The following EVC variants were observed in gnomAD, a reference collection of about 807,000 sequenced individuals.
The protein encoded by EVC is evC complex member EVC.
EVC carries 116 observed loss-of-function variants against 118.9 expected under a neutral mutation model. That is an observed-to-expected ratio of 0.98 (90% CI 0.84 to 1.14). EVC has a LOEUF of 1.14. Among genes scored for constraint, EVC ranks in the 50% most tolerant of loss-of-function variants. EVC has a pLI of 0.00. For missense variants in EVC, 1,401 were observed against 1,246.4 expected (o/e 1.12, Z -1.87); for synonymous variants, 619 against 534.7 (o/e 1.16, Z -2.18).
intron 11 of EVC, among the ~76,000 whole-genome samples, chr4:5,765,695 A>T (rs1157088118): frequency 1.6e-5 from 2 of 125,552 alleles, no homozygotes; most frequent in Admixed American, 1.6e-4. Flanking sequence ...GTTGGTTTAA[A>T]GTCTGTTTTA....
At chr4:5,825,290 C>T in the EVC span, 1 of 985,218 alleles carries the variant, frequency 1.0e-6, no homozygotes, top group Non-Finnish European at 1.2e-6. This position sits in a 1 kb window ranked among gnomAD's most constrained non-coding sequence, Gnocchi z 4.4. Context: ...CATGTTGCCC[C>T]CCTAACATGG....
Position 5,712,648 on chromosome 4 carries a change from A to G in EVC, c.174+1094A>G, listed in dbSNP as rs114759933. ...GATCTTGTGCGGTTTCCATGTAGGC[A>G]CAGGCTCTTTCAGAATATAGGGGAA... On this transcript the variant is annotated intron_variant, in intron 1 of 20. Coordinates refer to ENST00000264956, the MANE Select transcript of EVC (RefSeq NM_153717.3). Among the ~76,000 whole-genome samples the G allele has an allele frequency of 6.0e-3, 909 of 152,318 alleles. 16 individuals carry two copies. Among genetic ancestry groups the G allele is most frequent in the African/African-American group, 0.019 (795 of 41,568 alleles).
At chr4:5,759,645 G>C (rs761180268) in intron 11 of EVC, among the ~76,000 whole-genome samples, 4 of 152,226 alleles carry the variant, frequency 2.6e-5, no homozygotes, top group Non-Finnish European at 5.9e-5. Flanking sequence ...TGAGGTACAG[G>C]TTAGATCACT....
chr4:5,757,270 G>A (rs1731311150), intron 11 of EVC, among the ~76,000 whole-genome samples: 2 of 152,194 alleles, frequency 1.3e-5, no homozygotes, highest in Non-Finnish European at 2.9e-5. Flanking sequence ...GGGTGAAGGT[G>A]ACGTCAAGGA....
chr4:5,820,572 C>T, the EVC span, among the ~76,000 whole-genome samples: 43 of 152,256 alleles, frequency 2.8e-4, no homozygotes, highest in East Asian at 3.5e-3. Context: ...GCCCATCAGC[C>T]GTCTTCCCTC....
chr4:5,749,451 C>T lies in EVC; in HGVS notation c.1098+1145C>T, dbSNP rs962280829. On this transcript the variant is annotated intron_variant, in intron 8 of 20. Transcript: ENST00000264956. The surrounding 1 kb of genome is among the most constrained non-coding windows in gnomAD (Gnocchi z 4.4). ...GGTTGGACACCCGTGGGAGAGAAATCTGCGAATCCAGCTTTGACTCTGGGC... is the reference window on the plus strand; with the variant it reads ...GGTTGGACACCCGTGGGAGAGAAATTTGCGAATCCAGCTTTGACTCTGGGC... 1.3e-5 allele frequency among the ~76,000 whole-genome samples: 2 copies of T among 151,762 alleles called. No homozygotes were observed. The highest frequency in any genetic ancestry group is 2.9e-5 in the Non-Finnish European group (2 of 67,978).
intron 13 of EVC, among the ~76,000 whole-genome samples, chr4:5,795,116 T>C (rs1560421667): frequency 1.3e-5 from 2 of 152,264 alleles, no homozygotes; most frequent in Non-Finnish European, 2.9e-5. Flanking sequence ...ATACCATTTC[T>C]TTATCCAATC....
Position 5,719,140 on chromosome 4 carries a change from G to A in EVC, c.175-108G>A. ...AGAAGCACAGAGGCGAGCAGAAGTGGCTGCTGGACTGGGGGAGTTGACTGG... is the reference window on the plus strand; with the variant it reads ...AGAAGCACAGAGGCGAGCAGAAGTGACTGCTGGACTGGGGGAGTTGACTGG... On this transcript the variant is annotated intron_variant, in intron 1 of 20. Coordinates refer to ENST00000264956, the MANE Select transcript of EVC (RefSeq NM_153717.3). The surrounding 1 kb of genome is among the most constrained non-coding windows in gnomAD (Gnocchi z 4.7). The A allele has an allele frequency of 7.0e-7, 1 of 1,422,616 alleles. No individual in the cohort carries two copies. The highest frequency in any genetic ancestry group is 1.2e-5 in the South Asian group (1 of 86,744). 88.1% of individuals were successfully genotyped at this position (1,422,616 alleles called of 1,614,324 possible).
At chr4:5,781,523 G>T (rs966627096) in intron 11 of EVC, among the ~76,000 whole-genome samples, 1 of 152,070 alleles carries the variant, frequency 6.6e-6, no homozygotes, top group Admixed American at 6.6e-5. Context: ...GATTGGAGAT[G>T]GGGCAAAAGG....
intron 13 of EVC, among the ~76,000 whole-genome samples, chr4:5,796,258 G>A (rs1342153733): frequency 4.0e-5 from 6 of 151,492 alleles, no homozygotes; most frequent in African/African-American, 1.5e-4. Context: ...TGACGATTCT[G>A]TTTTCTGATA....
At chr4:5,803,133 A>G (rs1339100522) in intron 16 of EVC, among the ~76,000 whole-genome samples, 1 of 152,204 alleles carries the variant, frequency 6.6e-6, no homozygotes, top group Non-Finnish European at 1.5e-5. Context: ...ACATACAGAT[A>G]AGGATGGTTG....
chr4:5,753,905 C>A lies in EVC; in HGVS notation c.1436C>A (p.Pro479Gln). The change falls in exon 10 of 21, where the codon CCG becomes CAG. Residue 479 changes from proline (P) to glutamine (Q), a missense_variant. Pro to Gln is a moderately conservative substitution (Grantham distance 76). Transcript: ENST00000264956. ...AGAAGCTTCCTGGCTGAGGCCCAGC[C>A]GACTGCTGACCCGGAAAAGTTTCTC... Reference protein sequence around the residue: ...EQRSFLAEAQPTADPEKFLEA... With the variant: ...EQRSFLAEAQQTADPEKFLEA... The A allele has an allele frequency of 6.2e-7, 1 of 1,613,536 alleles. No individual in the cohort carries two copies.
chr4:5,787,502 C>T (rs10031045), intron 12 of EVC, among the ~76,000 whole-genome samples: 10,554 of 152,110 alleles, frequency 0.069, 542 homozygotes, highest in South Asian at 0.14. Flanking sequence ...GCTGTGAGCC[C>T]GGGAATGCAA....
chr4:5,827,681 T>C, the EVC span, among the ~76,000 whole-genome samples: 1 of 151,618 alleles, frequency 6.6e-6, no homozygotes, highest in South Asian at 2.1e-4. Flanking sequence ...CACACGTGCA[T>C]GCATGTACAC....
chr4:5,750,166 A>G (rs979495614), intron 8 of EVC, among the ~76,000 whole-genome samples: 2 of 152,172 alleles, frequency 1.3e-5, no homozygotes, highest in African/African-American at 4.8e-5. Flanking sequence ...CTCTAATGAC[A>G]TCGCTGAGCC....
intron 16 of EVC, among the ~76,000 whole-genome samples, chr4:5,803,809 C>G (rs974641348): frequency 6.6e-6 from 1 of 152,312 alleles, no homozygotes; most frequent in Non-Finnish European, 1.5e-5. Context: ...GGCCACTGAT[C>G]CTTGAGTGGG....
chr4:5,715,740 C>CCTTTTTTTTTTTTTTTTTTTTTT lies in EVC; in HGVS notation c.175-3508_175-3507insCTTTTTTTTTTTTTTTTTTTTTT, dbSNP rs1553860016. On this transcript the variant is annotated intron_variant, in intron 1 of 20. Transcript: ENST00000264956. ...AATTTCGAAGGCATTTTTCCATTGT[C>CCTTTTTTTTTTTTTTTTTTTTTT]TTTTTTTTTTTTTTTTTTTTTGAGA... 3.7e-4 allele frequency among the ~76,000 whole-genome samples: 26 copies of CCTTTTTTTTTTTTTTTTTTTTTT among 70,992 alleles called. 12 individuals are homozygous for CCTTTTTTTTTTTTTTTTTTTTTT. Among genetic ancestry groups the CCTTTTTTTTTTTTTTTTTTTTTT allele is most frequent in the Non-Finnish European group, 4.2e-4 (14 of 33,134 alleles). 46.6% of individuals were successfully genotyped at this position (70,992 alleles called of 152,430 possible).
intron 11 of EVC, among the ~76,000 whole-genome samples, chr4:5,769,572 A>G (rs917279097): frequency 2.6e-5 from 4 of 152,154 alleles, no homozygotes; most frequent in Non-Finnish European, 5.9e-5. Context: ...CCTCACAAAC[A>G]GGTTGCTGCA....
At position 5,753,840 on chromosome 4, in the gene EVC, G is replaced by A; in HGVS notation, c.1371G>A (p.Glu457=). ...LVTASLAHQV[E]GTAKLTLAQE... ...CGGCGTCTCTGGCTCACCAGGTGGA[G>A]GGAACGGCAAAACTCACGCTGGCCC... The change falls in exon 10 of 21, where the codon GAG becomes GAA. Residue 457 remains glutamate (E), a synonymous_variant. Coordinates refer to ENST00000264956, the MANE Select transcript of EVC (RefSeq NM_153717.3). 6.2e-7 allele frequency: 1 copy of A among 1,614,116 alleles called. No homozygotes were observed.
Sources: gnomAD v4.1 joint callset for allele counts (sites outside exome capture counted in the v4.1 genomes callset) on GRCh38, gnomAD v4.1.1 for gene constraint, Gnocchi (gnomAD v3.1) non-coding constraint, MANE v1.5 for transcripts, NCBI Gene and HGNC (gene_info 2026-07-23, HGNC 2026-07-21) for gene names.